The following CLINT1 variants were observed in gnomAD, a reference collection of about 807,000 sequenced individuals.
CLINT1 encodes clathrin interactor 1.
A neutral mutation model predicts 70.4 loss-of-function variants in CLINT1; 15 were observed. The observed-to-expected ratio is 0.21, with a 90% CI of 0.14 to 0.33. CLINT1 has a LOEUF of 0.33. Ranked by LOEUF, CLINT1 falls within the 10% of genes least tolerant of loss-of-function variation. The pLI is 1.00. For missense variants in CLINT1, 615 were observed against 778.1 expected, an observed-to-expected ratio of 0.79 and a Z score of 2.49; for synonymous variants, 227 against 254.7, an observed-to-expected ratio of 0.89 and a Z score of 1.04.
intron 1 of CLINT1, 56 bp downstream of exon 1, chr5:157,858,874 T>TCC: frequency 5.2e-6 from 5 of 957,432 alleles, no homozygotes; most frequent in South Asian, 2.9e-5. Flanking sequence ...CAGCTCCTTC[T>TCC]CCCCCTCCCC....
rs28372831 is a variant in CLINT1 at position 157,859,012 on chromosome 5, C to T, written c.-42G>A. 1,179 of 1,607,854 alleles carry T rather than the reference C, an allele frequency of 7.3e-4. 12 individuals carry two copies. In the East Asian group the frequency reaches 0.025, roughly 35 times the overall value. On this transcript the variant is annotated 5_prime_UTR_variant, in exon 1 of 12. Coordinates refer to ENST00000411809, the MANE Select transcript of CLINT1 (RefSeq NM_014666.4). ...CGGTCCGCCGCCTCCCTCTCCTGCT[C>T]CCCACGGACCCCGGAACACTTCCGT...
At chr5:157,824,349 T>A (rs1022776910) in intron 1 of CLINT1, among the ~76,000 whole-genome samples, 3 of 152,222 alleles carry the variant, frequency 2.0e-5, no homozygotes, top group Non-Finnish European at 2.9e-5. Flanking sequence ...TCAAATGTAC[T>A]GTCAACGGCC....
intron 1 of CLINT1, among the ~76,000 whole-genome samples, chr5:157,850,612 CAAAAAAAAAAA>C (rs67243040): frequency 9.9e-5 from 6 of 60,368 alleles, no homozygotes; most frequent in African/African-American, 2.8e-4. Context: ...GACCCTGTCT[CAAAAAAAAAAA>C]AAAAAAAAAA....
chr5:157,841,196 G>A (rs1753161642), intron 1 of CLINT1, among the ~76,000 whole-genome samples: 1 of 152,172 alleles, frequency 6.6e-6, no homozygotes, highest in South Asian at 2.1e-4. Flanking sequence ...ATGCCGGGAG[G>A]TTGAGGCAGC....
chr5:157,826,236 T>C (rs1763032732), intron 1 of CLINT1, among the ~76,000 whole-genome samples: 2 of 152,210 alleles, frequency 1.3e-5, no homozygotes, highest in South Asian at 2.1e-4. Context: ...ATCTCCCACA[T>C]TTATCCATAA....
chr5:157,819,414 A>AC (rs1025497177), intron 1 of CLINT1, among the ~76,000 whole-genome samples: 3 of 151,612 alleles, frequency 2.0e-5, no homozygotes, highest in Admixed American at 6.6e-5. Context: ...TCCACTGCCC[A>AC]CCCCCCCTTA....
intron 1 of CLINT1, among the ~76,000 whole-genome samples, chr5:157,834,344 G>C (rs972259969): frequency 6.6e-6 from 1 of 151,332 alleles, no homozygotes; most frequent in African/African-American, 2.4e-5. Context: ...CCGCACTCCA[G>C]CCTGGGCAAC....
At chr5:157,805,574 A>G (rs1762360602) in intron 7 of CLINT1, among the ~76,000 whole-genome samples, 1 of 152,196 alleles carries the variant, frequency 6.6e-6, no homozygotes, top group African/African-American at 2.4e-5. Context: ...GTGGTTGGTA[A>G]CCAGTATTGT....
chr5:157,802,656 C>T (rs1273049239), intron 8 of CLINT1, among the ~76,000 whole-genome samples: 1 of 151,904 alleles, frequency 6.6e-6, no homozygotes, highest in Non-Finnish European at 1.5e-5. Flanking sequence ...AGTGATTCTC[C>T]TGCCTCAGCC....
At chr5:157,854,331 C>T (rs1753676623) in intron 1 of CLINT1, among the ~76,000 whole-genome samples, 1 of 152,210 alleles carries the variant, frequency 6.6e-6, no homozygotes, top group Non-Finnish European at 1.5e-5. Context: ...CGCCTGTAAT[C>T]CCTGCGCTTC....
chr5:157,801,482 G>A (rs1424816788), intron 8 of CLINT1, among the ~76,000 whole-genome samples: 1 of 151,800 alleles, frequency 6.6e-6, no homozygotes, highest in Non-Finnish European at 1.5e-5. Context: ...CTCCAGCCTG[G>A]GCAACAAGGG....
intron 10 of CLINT1, 88 bp downstream of exon 10, chr5:157,791,615 T>C: frequency 1.6e-6 from 2 of 1,264,422 alleles, no homozygotes; most frequent in South Asian, 1.4e-5. Flanking sequence ...CTTGCTTATT[T>C]TTCTGTTTTA....
chr5:157,858,898 G>A, intron 1 of CLINT1, 32 bp downstream of exon 1: 1 of 1,428,180 alleles, frequency 7.0e-7, no homozygotes, highest in South Asian at 1.5e-5. Flanking sequence ...CCCCCACGTG[G>A]GCCTCGGCCA....
At chr5:157,823,599 GAA>G (rs1307885255) in intron 1 of CLINT1, 2 of 180,382 alleles carry the variant, frequency 1.1e-5, no homozygotes, top group Non-Finnish European at 2.1e-5. Context: ...TGTTAGGGAT[GAA>G]TAATTCTTGA....
intron 8 of CLINT1, chr5:157,796,064 T>A (rs1762057306): frequency 6.6e-6 from 1 of 152,152 alleles, no homozygotes; most frequent in Non-Finnish European, 1.5e-5. Context: ...AAACAATTAT[T>A]TTAAGCAGAG....
intron 1 of CLINT1, among the ~76,000 whole-genome samples, chr5:157,831,975 C>T (rs148577399): frequency 2.0e-5 from 3 of 151,992 alleles, no homozygotes; most frequent in East Asian, 1.9e-4. Context: ...GGATTACAAG[C>T]GTGAGCCAGT....
At chr5:157,809,916 A>T in intron 5 of CLINT1, 111 bp from the exon 6 acceptor site, 1 of 1,079,406 alleles carries the variant, frequency 9.3e-7, no homozygotes, top group Non-Finnish European at 1.3e-6. Context: ...TTTCAAAGGA[A>T]AACAGAAAGC....
chr5:157,798,455 G>C (rs1358029207), intron 8 of CLINT1, among the ~76,000 whole-genome samples: 1 of 151,882 alleles, frequency 6.6e-6, no homozygotes, highest in Non-Finnish European at 1.5e-5. Flanking sequence ...AGAAAATACA[G>C]GTAAACTAGA....
intron 1 of CLINT1, among the ~76,000 whole-genome samples, chr5:157,830,889 G>A (rs942666217): frequency 4.6e-5 from 7 of 150,668 alleles, no homozygotes; most frequent in East Asian, 2.0e-4. Flanking sequence ...TTAGCCAGGC[G>A]TGGTAGGACA....
Sources: allele counts gnomAD v4.1 joint callset (sites outside exome capture counted in the v4.1 genomes callset), GRCh38; gene constraint gnomAD v4.1.1; transcripts MANE v1.5; gene names NCBI Gene and HGNC (gene_info 2026-07-23, HGNC 2026-07-21).